The following EIF4E3 variants were observed in gnomAD, a reference collection of about 807,000 sequenced individuals.
The protein encoded by EIF4E3 is eukaryotic translation initiation factor 4E type 3.
EIF4E3 carries 26 observed loss-of-function variants against 31.7 expected under a neutral mutation model. The observed-to-expected ratio is 0.82, with a 90% CI of 0.60 to 1.14. The LOEUF is 1.14. EIF4E3 is among the 50% of genes most tolerant of loss of function. EIF4E3 has a pLI of 0.00. For missense variants in EIF4E3, 304 were observed against 270.9 expected (o/e 1.12, Z -0.86); for synonymous variants, 128 against 107.7 (o/e 1.19, Z -1.17).
At chr3:71,668,263 TTAAAGATGTAAACG>T in the EIF4E3 span, among the ~76,000 whole-genome samples, 1 of 152,118 alleles carries the variant, frequency 6.6e-6, no homozygotes, top group Non-Finnish European at 1.5e-5. Flanking sequence ...TCAAGATGGA[TTAAAGATGTAAACG>T]TAAGACCTAA....
chr3:71,660,527 G>A, the EIF4E3 span, among the ~76,000 whole-genome samples: 1 of 152,132 alleles, frequency 6.6e-6, no homozygotes, highest in Non-Finnish European at 1.5e-5. Flanking sequence ...CATCTGAATA[G>A]ACCAGATGTT....
upstream of EIF4E3, chr3:71,754,264 T>A: frequency 1.6e-6 from 2 of 1,227,986 alleles, no homozygotes; most frequent in Non-Finnish European, 2.1e-6. The surrounding 1 kb of genome is among the most constrained non-coding windows in gnomAD (Gnocchi z 5.8). Flanking sequence ...CTCGCCTGCC[T>A]CCCGGCCGTC....
chr3:71,745,938 A>C lies in EIF4E3; in HGVS notation c.-291+7525T>G, dbSNP rs543939943. ...AAATAGTGATAACATGTTAGTGTAG[A>C]CTCCTTGTTTGTTTCTTTTCGATAT... is the stretch of plus-strand genomic sequence containing the variant. On this transcript the variant is annotated intron_variant, in intron 1 of 7. Coordinates refer to the EIF4E3 transcript ENST00000295612. Among the ~76,000 whole-genome samples the C allele has an allele frequency of 1.1e-4, 17 of 151,924 alleles. No homozygotes were observed. In the South Asian group the frequency reaches 3.3e-3, roughly 30 times the overall value.
At chr3:71,727,720 A>G (rs1485157319), upstream of EIF4E3, among the ~76,000 whole-genome samples, 1 of 152,258 alleles carries the variant, frequency 6.6e-6, no homozygotes. Flanking sequence ...ATTTATATTT[A>G]CGAAGTGACA....
intron 1 of EIF4E3, among the ~76,000 whole-genome samples, chr3:71,738,257 C>A (rs2108146337): frequency 6.6e-6 from 1 of 152,176 alleles, no homozygotes; most frequent in South Asian, 2.1e-4. Flanking sequence ...CTATGCCAGC[C>A]AAATGCAACA....
chr3:71,699,845 T>A lies in EIF4E3; in HGVS notation c.250-137A>T, dbSNP rs1315147208. On this transcript the variant is annotated intron_variant, in intron 2 of 6. Coordinates refer to ENST00000425534, the MANE Select transcript of EIF4E3 (RefSeq NM_001134651.2). Reference sequence around the variant, plus strand: ...CATTCAAAATAGATTTTTCTCAGTATCCCTTCTAATTCTCTGTTAGAAAAT... The same window carrying A: ...CATTCAAAATAGATTTTTCTCAGTAACCCTTCTAATTCTCTGTTAGAAAAT... 3 of 670,898 alleles carry A rather than the reference T, an allele frequency of 4.5e-6. No individual in the cohort carries two copies. In the African/African-American group the frequency reaches 5.4e-5, roughly 12 times the overall value. 41.6% of individuals were successfully genotyped at this position (670,898 alleles called of 1,614,324 possible).
At chr3:71,664,672 G>A in the EIF4E3 span, among the ~76,000 whole-genome samples, 18 of 152,226 alleles carry the variant, frequency 1.2e-4, no homozygotes, top group African/African-American at 4.3e-4. Flanking sequence ...TCAGGAGTCC[G>A]AGACCAGTCT....
intron 1 of EIF4E3, among the ~76,000 whole-genome samples, chr3:71,715,974 T>G (rs2049458275): frequency 6.6e-6 from 1 of 152,116 alleles, no homozygotes; most frequent in South Asian, 2.1e-4. Flanking sequence ...CTAGGCTGAC[T>G]CCCAGTAATA....
At chr3:71,716,128 G>A (rs1283558549) in intron 1 of EIF4E3, among the ~76,000 whole-genome samples, 1 of 152,196 alleles carries the variant, frequency 6.6e-6, no homozygotes, top group African/African-American at 2.4e-5. Context: ...AGAGGTGGAG[G>A]TGCAGGAAAG....
At position 71,725,323 on chromosome 3, in the gene EIF4E3, CTCCCGGGCCCCGGCGGG is replaced by C. The variant is rs956420022; in HGVS notation, c.28_44del (p.Pro10AlafsTer28). On this transcript the variant is annotated frameshift_variant, in exon 1 of 7. Transcript: ENST00000425534. LOFTEE classifies it high-confidence loss of function. This position sits in a 1 kb window ranked among gnomAD's most constrained non-coding sequence, Gnocchi z 6.1. ...CGGCGGCGGCGCGGGACCCCGGCGG[CTCCCGGGCCCCGGCGGG>C]GGGCGCGGCGGCCGGGGGCAGCGCC... The C allele has an allele frequency of 1.7e-5, 16 of 968,858 alleles. No individual in the cohort carries two copies. Among genetic ancestry groups the C allele is most frequent in the Non-Finnish European group, 1.8e-5 (15 of 817,308 alleles). 60.0% of individuals were successfully genotyped at this position (968,858 alleles called of 1,614,324 possible). A position where few individuals can be genotyped will look rare whatever the true frequency, so the allele number is the denominator to read the frequency against.
At chr3:71,729,807 T>TGTGTGTGTGTGTGG (rs2049684267), upstream of EIF4E3, among the ~76,000 whole-genome samples, 1 of 114,416 alleles carries the variant, frequency 8.7e-6, no homozygotes, top group Admixed American at 7.8e-5. Flanking sequence ...AATGTGTGTG[T>TGTGTGTGTGTGTGG]GTGTGTGTGT....
chr3:71,731,845 C>T (rs968015854), intron 1 of EIF4E3, among the ~76,000 whole-genome samples: 3 of 152,222 alleles, frequency 2.0e-5, no homozygotes, highest in Admixed American at 6.5e-5. Flanking sequence ...AAATTGTCCA[C>T]ACCTTGACCC....
At chr3:71,708,190 T>C (rs1239891024) in intron 2 of EIF4E3, among the ~76,000 whole-genome samples, 1 of 152,172 alleles carries the variant, frequency 6.6e-6, no homozygotes, top group African/African-American at 2.4e-5. Flanking sequence ...ATTCATTCAA[T>C]CCTTCAATAT....
intron 1 of EIF4E3, among the ~76,000 whole-genome samples, chr3:71,717,671 T>C (rs941595156): frequency 3.3e-5 from 5 of 152,166 alleles, no homozygotes; most frequent in African/African-American, 1.2e-4. Flanking sequence ...AGGAAAGCCA[T>C]GTGCAGTGGG....
chr3:71,727,860 A>G (rs1035032137), upstream of EIF4E3, among the ~76,000 whole-genome samples: 2 of 152,244 alleles, frequency 1.3e-5, no homozygotes, highest in South Asian at 4.1e-4. Context: ...AAAAAGGGCT[A>G]GTCAAGAATT....
intron 1 of EIF4E3, among the ~76,000 whole-genome samples, chr3:71,743,541 A>T (rs539466567): frequency 6.6e-6 from 1 of 152,158 alleles, no homozygotes; most frequent in Non-Finnish European, 1.5e-5. Context: ...TAAGATGTCA[A>T]TTCTCCCCAA....
chr3:71,738,981 T>TATATATATATATATATATATATATAG (rs2049792871), intron 1 of EIF4E3, among the ~76,000 whole-genome samples: 1 of 65,280 alleles, frequency 1.5e-5, no homozygotes, highest in Admixed American at 2.2e-4. Flanking sequence ...TTGAACAGTA[T>TATATATATATATATATATATATATAG]ATATATATAT....
At chr3:71,714,530 G>A (rs184740608) in intron 1 of EIF4E3, among the ~76,000 whole-genome samples, 37 of 152,186 alleles carry the variant, frequency 2.4e-4, no homozygotes, top group Middle Eastern at 3.4e-3. Flanking sequence ...AATACTTGGC[G>A]GGCCAGAGGA....
intron 1 of EIF4E3, among the ~76,000 whole-genome samples, chr3:71,732,785 CAGAGG>C (rs1484690716): frequency 3.9e-5 from 6 of 152,206 alleles, no homozygotes; most frequent in Non-Finnish European, 8.8e-5. Flanking sequence ...GCAATGTGAT[CAGAGG>C]AAAGTCCAAA....
Sources: allele counts gnomAD v4.1 joint callset (sites outside exome capture counted in the v4.1 genomes callset), GRCh38; gene constraint gnomAD v4.1.1; non-coding constraint Gnocchi (gnomAD v3.1); transcripts MANE v1.5; gene names NCBI Gene and HGNC (gene_info 2026-07-23, HGNC 2026-07-21).